Variants in PAPPA2 observed in about 807,000 individuals in gnomAD.
PAPPA2 encodes the protein pappalysin-2.
PAPPA2 carries 86 observed loss-of-function variants against 176.4 expected under a neutral mutation model. The ratio of observed to expected loss-of-function variants is 0.49; its 90% confidence interval spans 0.41 to 0.58. The LOEUF (loss-of-function observed/expected upper bound fraction) is 0.58. PAPPA2 is among the 20% of genes least tolerant of loss of function. The pLI, the probability that PAPPA2 is intolerant of heterozygous loss-of-function variation, is 0.00. For missense variants in PAPPA2, 2,073 were observed against 2,256.9 expected (o/e 0.92, Z 1.65); for synonymous variants, 809 against 852.2 (o/e 0.95, Z 0.88).
chr1:176,727,619 A>AT (rs1661942317), intron 12 of PAPPA2, among the ~76,000 whole-genome samples: 1 of 152,022 alleles, frequency 6.6e-6, no homozygotes. Context: ...ATAGTTGGGG[A>AT]TTTTTTTCAC....
intron 9 of PAPPA2, 53 bp downstream of exon 9, chr1:176,702,788 A>T (rs1382372468): frequency 1.6e-4 from 242 of 1,520,582 alleles, no homozygotes; most frequent in South Asian, 3.9e-4. Flanking sequence ...AGAGAGAGAG[A>T]GAGAGAGAGA....
At chr1:176,697,124 C>A (rs2102815527) in intron 7 of PAPPA2, among the ~76,000 whole-genome samples, 1 of 151,900 alleles carries the variant, frequency 6.6e-6, no homozygotes, top group South Asian at 2.1e-4. Flanking sequence ...CTTTTTATTT[C>A]TAGGGGGAAA....
chr1:176,651,314 G>T (rs1403423958), intron 3 of PAPPA2, among the ~76,000 whole-genome samples: 1 of 151,366 alleles, frequency 6.6e-6, no homozygotes, highest in Non-Finnish European at 1.5e-5. Flanking sequence ...GACAGGTTCA[G>T]TAGTGATGAA....
At chr1:176,559,699 C>A (rs115530542) in intron 2 of PAPPA2, among the ~76,000 whole-genome samples, 4 of 152,204 alleles carry the variant, frequency 2.6e-5, no homozygotes, top group South Asian at 4.1e-4. Flanking sequence ...TTCACCTATG[C>A]AGAATGACAA....
intron 14 of PAPPA2, among the ~76,000 whole-genome samples, chr1:176,762,062 G>C (rs1663723003): frequency 6.6e-6 from 1 of 152,186 alleles, no homozygotes; most frequent in African/African-American, 2.4e-5. Flanking sequence ...GGGTTTTGGG[G>C]TTGGGGTGCA....
intron 1 of PAPPA2, among the ~76,000 whole-genome samples, chr1:176,542,475 T>C (rs1022135644): frequency 6.6e-6 from 1 of 152,242 alleles, no homozygotes; most frequent in African/African-American, 2.4e-5. Context: ...ATGTTCTTTG[T>C]TACAGGCTGT....
At chr1:176,570,286 C>T (rs1462677749) in intron 2 of PAPPA2, among the ~76,000 whole-genome samples, 1 of 152,168 alleles carries the variant, frequency 6.6e-6, no homozygotes, top group Admixed American at 6.5e-5. Flanking sequence ...GTTTTAAAAA[C>T]TCTCTTTTGG....
At chr1:176,825,888 G>C (rs529205493) in intron 21 of PAPPA2, among the ~76,000 whole-genome samples, 2 of 152,148 alleles carry the variant, frequency 1.3e-5, no homozygotes, top group East Asian at 1.9e-4. Flanking sequence ...CCATTGATAC[G>C]AAGAGTATCC....
At chr1:176,801,415 GA>G (rs1665679734) in intron 21 of PAPPA2, among the ~76,000 whole-genome samples, 1 of 152,192 alleles carries the variant, frequency 6.6e-6, no homozygotes, top group African/African-American at 2.4e-5. Context: ...TGAGACTGGA[GA>G]GGGGGAAAGG....
chr1:176,658,586 G>A (rs944749826), intron 3 of PAPPA2, among the ~76,000 whole-genome samples: 2 of 151,916 alleles, frequency 1.3e-5, no homozygotes, highest in African/African-American at 2.4e-5. Context: ...TGGAAGAGGT[G>A]TTATAGAAAA....
Position 176,812,575 on chromosome 1 carries a change from A to G in PAPPA2, c.5202+12443A>G, listed in dbSNP as rs138110919. Among the ~76,000 whole-genome samples, 110 of 152,290 alleles carry G rather than the reference A, an allele frequency of 7.2e-4. 3 individuals are homozygous for G. In the East Asian group the frequency reaches 0.02, roughly 28 times the overall value. On this transcript the variant is annotated intron_variant, in intron 21 of 22. Coordinates refer to ENST00000367662, the MANE Select transcript of PAPPA2 (RefSeq NM_020318.3). Reference sequence around the variant, plus strand: ...TAAGGCATTGCTTATTTTACAATTTACCATCATGGTAATTGTCATAATTTC... The same window carrying G: ...TAAGGCATTGCTTATTTTACAATTTGCCATCATGGTAATTGTCATAATTTC...
intron 3 of PAPPA2, among the ~76,000 whole-genome samples, chr1:176,646,759 G>C (rs1657420093): frequency 6.6e-6 from 1 of 151,472 alleles, no homozygotes; most frequent in Non-Finnish European, 1.5e-5. Flanking sequence ...TTTTATGGCT[G>C]AATAGTACTC....
intron 12 of PAPPA2, among the ~76,000 whole-genome samples, chr1:176,728,037 A>C (rs1054511459): frequency 6.6e-6 from 1 of 152,032 alleles, no homozygotes. Flanking sequence ...TAAAATGCCT[A>C]TATTTAGGAA....
intron 3 of PAPPA2, among the ~76,000 whole-genome samples, chr1:176,655,793 A>G (rs1658000701): frequency 6.6e-6 from 1 of 151,852 alleles, no homozygotes; most frequent in Admixed American, 6.6e-5. Flanking sequence ...CACACAATAT[A>G]TCCATGTAAC....
chr1:176,715,623 A>G (rs543282949), intron 12 of PAPPA2, among the ~76,000 whole-genome samples: 26 of 152,314 alleles, frequency 1.7e-4, no homozygotes, highest in African/African-American at 6.3e-4. Context: ...AAAAGGTGAA[A>G]TGGGTGAACA....
chr1:176,819,761 T>C (rs1017688152), intron 21 of PAPPA2, among the ~76,000 whole-genome samples: 3 of 152,198 alleles, frequency 2.0e-5, no homozygotes, highest in Non-Finnish European at 4.4e-5. Flanking sequence ...GCAGAATGCC[T>C]TCCAGGAGTT....
Position 176,710,192 on chromosome 1 carries a change from T to G in PAPPA2, c.3651+16T>G. On this transcript the variant is annotated intron_variant, in intron 11 of 22. Coordinates refer to ENST00000367662, the MANE Select transcript of PAPPA2 (RefSeq NM_020318.3). ...TCATTCCCTAGTAAGTTAAGCCAGA[T>G]GAATAGAGTCGAGCCTGCGCAAAAT... 1 of 1,610,878 alleles carries G rather than the reference T, an allele frequency of 6.2e-7. No homozygotes were observed. The highest frequency in any genetic ancestry group is 8.5e-7 in the Non-Finnish European group (1 of 1,178,138).
At chr1:176,765,896 C>G (rs1028923390) in intron 15 of PAPPA2, 59 bp downstream of exon 15, 2 of 1,570,236 alleles carry the variant, frequency 1.3e-6, no homozygotes, top group Admixed American at 1.8e-5. Flanking sequence ...GGTATTCACA[C>G]TCTTCTCTCT....
intron 2 of PAPPA2, among the ~76,000 whole-genome samples, chr1:176,572,956 A>G (rs905059526): frequency 2.0e-5 from 3 of 152,234 alleles, no homozygotes; most frequent in African/African-American, 7.2e-5. Flanking sequence ...GGAACCCCAA[A>G]GAAAATTTCT....
Sources: allele counts gnomAD v4.1 joint callset (sites outside exome capture counted in the v4.1 genomes callset), GRCh38; gene constraint gnomAD v4.1.1; transcripts MANE v1.5; gene names NCBI Gene and HGNC (gene_info 2026-07-23, HGNC 2026-07-21).